SPECC1: variants seen among roughly 807,000 people sequenced by gnomAD.
The protein encoded by SPECC1 is sperm antigen with calponin homology and coiled-coil domains 1.
In SPECC1, 62 loss-of-function variants were observed where a neutral mutation model predicts 104.1. The ratio of observed to expected loss-of-function variants is 0.60; its 90% confidence interval spans 0.49 to 0.74. The LOEUF (loss-of-function observed/expected upper bound fraction) is 0.74, where lower values mean the gene tolerates loss of function less well. Among genes scored for constraint, SPECC1 ranks in the 30% least tolerant of loss-of-function variants. SPECC1 has a pLI of 0.00. For synonymous variants in SPECC1, 513 were observed against 501.6 expected (o/e 1.02, Z -0.30); for missense variants, 1,306 against 1,310.5 (o/e 1.00, Z 0.05).
chr17:20,236,963 T>A, intron 7 of SPECC1: 1 of 1,607,640 alleles, frequency 6.2e-7, no homozygotes. Context: ...AGGGGGAATG[T>A]GTAGAGGAGA....
At chr17:20,302,249 C>T (rs1230452182) in intron 13 of SPECC1, among the ~76,000 whole-genome samples, 1 of 152,224 alleles carries the variant, frequency 6.6e-6, no homozygotes, top group Non-Finnish European at 1.5e-5. Context: ...AAGAGTTTTG[C>T]CACAGGTTGG....
intron 4 of SPECC1, among the ~76,000 whole-genome samples, chr17:20,214,391 G>A (rs1187515548): frequency 1.3e-5 from 2 of 152,130 alleles, no homozygotes; most frequent in Non-Finnish European, 2.9e-5. Flanking sequence ...TAAGAGTTAT[G>A]GAATCACATT....
intron 1 of SPECC1, among the ~76,000 whole-genome samples, chr17:20,060,304 A>G (rs2046136321): frequency 1.3e-5 from 2 of 152,190 alleles, no homozygotes; most frequent in South Asian, 2.1e-4. Flanking sequence ...TGAAAGTGAC[A>G]TGGAAAGCTT....
intron 3 of SPECC1, among the ~76,000 whole-genome samples, chr17:20,174,889 C>T (rs139584593): frequency 9.3e-4 from 142 of 152,070 alleles, no homozygotes; most frequent in African/African-American, 3.0e-3. Context: ...ACCAAGCCCT[C>T]TGCCTTGGTC....
chr17:20,247,495 A>G (rs1429008572), intron 9 of SPECC1, among the ~76,000 whole-genome samples, 176 bp downstream of exon 9: 1 of 152,216 alleles, frequency 6.6e-6, no homozygotes, highest in Non-Finnish European at 1.5e-5. Context: ...ATCGGAATGT[A>G]AGCTTCATGA....
chr17:20,238,233 T>C (rs991468975), intron 7 of SPECC1: 16 of 1,040,182 alleles, frequency 1.5e-5, no homozygotes, highest in Non-Finnish European at 1.9e-5. Flanking sequence ...AGAAATCTAA[T>C]GGAAAACGAT....
chr17:20,054,680 T>G (rs1017255608), intron 1 of SPECC1, among the ~76,000 whole-genome samples: 1 of 152,146 alleles, frequency 6.6e-6, no homozygotes, highest in Non-Finnish European at 1.5e-5. Context: ...TTTTCTTTTT[T>G]TGGGGGGGGT....
intron 4 of SPECC1, among the ~76,000 whole-genome samples, chr17:20,218,652 G>A (rs1016822021): frequency 6.8e-6 from 1 of 147,756 alleles, no homozygotes; most frequent in Non-Finnish European, 1.5e-5. Flanking sequence ...ATTTTTAATT[G>A]TTATGGGTAC....
chr17:20,157,318 G>A (rs918781070), intron 3 of SPECC1, among the ~76,000 whole-genome samples: 1 of 152,080 alleles, frequency 6.6e-6, no homozygotes, highest in African/African-American at 2.4e-5. Flanking sequence ...ACTTGGACGG[G>A]CTGTCCAAGT....
intron 13 of SPECC1, among the ~76,000 whole-genome samples, chr17:20,297,601 G>A (rs933940096): frequency 6.6e-6 from 1 of 152,204 alleles, no homozygotes; most frequent in African/African-American, 2.4e-5. Context: ...AGTGGGTCAG[G>A]TGGTCCAGTC....
At chr17:20,275,213 A>G (rs559262412) in intron 12 of SPECC1, among the ~76,000 whole-genome samples, 3 of 152,328 alleles carry the variant, frequency 2.0e-5, no homozygotes, top group Admixed American at 6.5e-5. Flanking sequence ...CAACTTGGTC[A>G]TGGTATACTA....
At chr17:20,112,112 G>A in intron 3 of SPECC1, 1 of 764,648 alleles carries the variant, frequency 1.3e-6, no homozygotes, top group South Asian at 1.3e-5. Context: ...ATGCTGGAGG[G>A]GCGGTACTTT....
intron 3 of SPECC1, among the ~76,000 whole-genome samples, chr17:20,141,071 C>A (rs115099717): frequency 0.012 from 1,798 of 152,274 alleles, 33 homozygotes; most frequent in African/African-American, 0.04. Flanking sequence ...CCTGCTGCCC[C>A]CTTCTCTCCT....
chr17:20,289,213 G>A (rs540059612), intron 12 of SPECC1, among the ~76,000 whole-genome samples: 4 of 152,294 alleles, frequency 2.6e-5, no homozygotes, highest in African/African-American at 9.6e-5. Context: ...GGAAAGACTG[G>A]CCCCCATGAT....
Position 20,204,392 on chromosome 17 carries a change from G to C in SPECC1, c.343G>C (p.Val115Leu). The C allele has an allele frequency of 6.2e-7, 1 of 1,614,026 alleles. No homozygotes were observed. Among genetic ancestry groups the C allele is most frequent in the East Asian group, 2.2e-5 (1 of 44,874 alleles). ...AGCCCCACGGGAATTTTCAGTAACT[G>C]TCTCAAGAGAGAGGTCTGTGCCACG... The part of the protein sequence containing the change: ...IPAPREFSVT[V>L]SRERSVPRGP... Residue 115 changes from valine (V) to leucine (L), a missense_variant, in exon 4 of 15, where the codon GTC becomes CTC. By Grantham distance (32) the Val-to-Leu change is conservative. Transcript: ENST00000395527.
intron 9 of SPECC1, among the ~76,000 whole-genome samples, chr17:20,249,249 C>T (rs2039534626): frequency 6.6e-6 from 1 of 152,048 alleles, no homozygotes; most frequent in Non-Finnish European, 1.5e-5. Flanking sequence ...GAAACCCCGT[C>T]TCTACTAAAA....
intron 1 of SPECC1, among the ~76,000 whole-genome samples, chr17:20,071,971 C>A (rs2046571908): frequency 6.6e-6 from 1 of 152,120 alleles, no homozygotes; most frequent in East Asian, 1.9e-4. Context: ...TTCTGCCTAG[C>A]CTTTTTTCTC....
chr17:20,260,169 CA>C, intron 11 of SPECC1, 22 bp from the exon 12 acceptor site: 1 of 1,584,568 alleles, frequency 6.3e-7, no homozygotes, highest in Non-Finnish European at 8.6e-7. Context: ...TTCTCCTTAC[CA>C]TGTGCTCTTC....
intron 7 of SPECC1, among the ~76,000 whole-genome samples, chr17:20,234,198 A>G (rs1270681514): frequency 2.0e-5 from 3 of 151,656 alleles, no homozygotes; most frequent in Admixed American, 6.6e-5. Flanking sequence ...TTCTTTTTTG[A>G]TTTTCCAGTG....
Sources: gnomAD v4.1 joint callset for allele counts (sites outside exome capture counted in the v4.1 genomes callset) on GRCh38, gnomAD v4.1.1 for gene constraint, MANE v1.5 for transcripts, NCBI Gene and HGNC (gene_info 2026-07-23, HGNC 2026-07-21) for gene names.